Variants in ZNF618 observed in about 807,000 individuals in gnomAD.
ZNF618 encodes zinc finger protein 618.
Under a neutral mutation model 103.0 loss-of-function variants are expected in ZNF618, and 34 were observed. The observed-to-expected ratio is 0.33, with a 90% CI of 0.25 to 0.44. ZNF618 has a LOEUF of 0.44. ZNF618 is among the 20% of genes least tolerant of loss of function. ZNF618 has a pLI of 1.00. For missense variants in ZNF618, 1,059 were observed against 1,295.4 expected, an observed-to-expected ratio of 0.82 and a Z score of 2.80; for synonymous variants, 551 against 542.2, an observed-to-expected ratio of 1.02 and a Z score of -0.23.
intron 1 of ZNF618, among the ~76,000 whole-genome samples, chr9:113,894,677 T>G (rs778318179): frequency 6.6e-6 from 1 of 152,226 alleles, no homozygotes; most frequent in Non-Finnish European, 1.5e-5. Context: ...TGAGCACTTA[T>G]TTTTAAGTTT....
rs558279685 is a variant in ZNF618, at chr9:113,952,115, A to C, written c.34-17002A>C. ...TTTTAAGCCAGTGAGCAATTTATAG[A>C]TTCATTAACTTTTTACTACACTTGT... On this transcript the variant is annotated intron_variant, in intron 1 of 14. Coordinates refer to ENST00000374126, the MANE Select transcript of ZNF618 (RefSeq NM_001318042.2). 1.6e-3 allele frequency among the ~76,000 whole-genome samples: 243 copies of C among 152,240 alleles called. 1 individual carries two copies. The highest frequency in any genetic ancestry group is 2.5e-3 in the Non-Finnish European group (168 of 68,006).
intron 2 of ZNF618, among the ~76,000 whole-genome samples, chr9:113,982,002 A>G (rs1839019894): frequency 1.2e-5 from 1 of 81,752 alleles, no homozygotes; most frequent in African/African-American, 2.9e-5. Flanking sequence ...GGTGAGACCC[A>G]GAGAGAGAGA....
chr9:113,879,966 A>C (rs1828360401), intron 1 of ZNF618, among the ~76,000 whole-genome samples: 1 of 152,140 alleles, frequency 6.6e-6, no homozygotes, highest in African/African-American at 2.4e-5. Flanking sequence ...GGTCAGTATA[A>C]GGCTGACCTC....
At chr9:113,974,140 C>T (rs1340607597) in intron 2 of ZNF618, among the ~76,000 whole-genome samples, 3 of 152,198 alleles carry the variant, frequency 2.0e-5, no homozygotes, top group African/African-American at 7.2e-5. Context: ...AAAATATATG[C>T]TTGTTAGATA....
intron 13 of ZNF618, among the ~76,000 whole-genome samples, chr9:114,039,607 C>G (rs1315062260): frequency 6.6e-6 from 1 of 151,992 alleles, no homozygotes; most frequent in Non-Finnish European, 1.5e-5. Context: ...CACCTCAGCC[C>G]CGCAAAGTGC....
rs140835764 is a variant in ZNF618, at chr9:113,963,585, C to T, written c.34-5532C>T. On this transcript the variant is annotated intron_variant, in intron 1 of 14. Coordinates refer to ENST00000374126, the MANE Select transcript of ZNF618 (RefSeq NM_001318042.2). Reference sequence around the variant, plus strand: ...TTGACGTCATCCACCCAGAGCCCAGCAGAGTACTTGCCACATAGTAGGTTT... The same window carrying T: ...TTGACGTCATCCACCCAGAGCCCAGTAGAGTACTTGCCACATAGTAGGTTT... Among the ~76,000 whole-genome samples, 321 of 152,252 alleles carry T rather than the reference C, an allele frequency of 2.1e-3. 1 individual carries two copies. The highest frequency in any genetic ancestry group is 7.5e-3 in the African/African-American group (310 of 41,554).
At chr9:113,985,969 G>T (rs1839435602) in intron 2 of ZNF618, among the ~76,000 whole-genome samples, 1 of 152,194 alleles carries the variant, frequency 6.6e-6, no homozygotes, top group Admixed American at 6.5e-5. Flanking sequence ...TGAGGCGATT[G>T]AATCATGCAG....
At position 114,054,259 on chromosome 9, in the gene ZNF618, A is replaced by G. The variant is rs1846318248; in HGVS notation, c.*4092A>G. On this transcript the variant is annotated 3_prime_UTR_variant, in exon 15 of 15. Coordinates refer to ENST00000374126, the MANE Select transcript of ZNF618 (RefSeq NM_001318042.2). ...TGGAGAGATGTTAGGAATATAGCAC[A>G]TGCTCTCTGGGGGCCACAGGGTCAT... The G allele has an allele frequency of 6.6e-6, 1 of 152,376 alleles. No individual in the cohort carries two copies. Among genetic ancestry groups the G allele is most frequent in the Non-Finnish European group, 1.5e-5 (1 of 68,084 alleles). 9.4% of individuals were successfully genotyped at this position (152,376 alleles called of 1,614,324 possible).
chr9:114,022,250 C>T lies in ZNF618; in HGVS notation c.844+5466C>T, dbSNP rs566314516. On this transcript the variant is annotated intron_variant, in intron 10 of 14. Coordinates refer to ENST00000374126, the MANE Select transcript of ZNF618 (RefSeq NM_001318042.2). ...TTCTTTTCTTGTAATGTTCTCGTCTCGTTGGGTATCAGAGTATTGCAGGCC... is the reference window on the plus strand; with the variant it reads ...TTCTTTTCTTGTAATGTTCTCGTCTTGTTGGGTATCAGAGTATTGCAGGCC... Among the ~76,000 whole-genome samples the T allele has an allele frequency of 2.6e-5, 4 of 151,920 alleles. No homozygotes were observed. In the East Asian group the frequency reaches 5.8e-4, roughly 22 times the overall value.
chr9:113,899,553 G>C (rs1448274687), intron 1 of ZNF618, among the ~76,000 whole-genome samples: 2 of 152,192 alleles, frequency 1.3e-5, no homozygotes, highest in Admixed American at 6.5e-5. Context: ...GCGCTCCTTA[G>C]GAGAATCTAA....
intron 1 of ZNF618, among the ~76,000 whole-genome samples, chr9:113,880,783 T>C (rs1453655548): frequency 6.6e-6 from 1 of 152,244 alleles, no homozygotes; most frequent in African/African-American, 2.4e-5. Context: ...TGAAATAGAT[T>C]TCCTCCTGTG....
intron 7 of ZNF618, 51 bp from the exon 8 acceptor site, chr9:114,008,293 C>T (rs1020376755): frequency 1.2e-6 from 2 of 1,609,104 alleles, no homozygotes; most frequent in Non-Finnish European, 8.5e-7. Context: ...ACTAACAGGG[C>T]TCCTGTTTGT....
chr9:113,957,133 C>T (rs1030775863), intron 1 of ZNF618, among the ~76,000 whole-genome samples: 4 of 152,092 alleles, frequency 2.6e-5, no homozygotes, highest in South Asian at 4.2e-4. Flanking sequence ...TCCCGCCGGC[C>T]GGAGAGATCA....
At chr9:113,896,673 TAA>T (rs946422067) in intron 1 of ZNF618, among the ~76,000 whole-genome samples, 3 of 152,066 alleles carry the variant, frequency 2.0e-5, no homozygotes, top group Non-Finnish European at 4.4e-5. Context: ...GATATATTAT[TAA>T]GTTTTTCTAA....
chr9:113,901,230 C>G (rs1830516130), intron 1 of ZNF618, among the ~76,000 whole-genome samples: 1 of 152,222 alleles, frequency 6.6e-6, no homozygotes, highest in African/African-American at 2.4e-5. Context: ...AACTTTGTCT[C>G]CAGTTCTCCT....
chr9:114,011,101 C>A (rs1049116027), intron 9 of ZNF618, among the ~76,000 whole-genome samples: 1 of 152,088 alleles, frequency 6.6e-6, no homozygotes, highest in African/African-American at 2.4e-5. Context: ...TAGAGCCAAC[C>A]GAAATAGGAC....
rs1845901868 is a variant in ZNF618 at position 114,049,005 on chromosome 9, C to G, written c.1703C>G (p.Ala568Gly). ...VGPDSCYILTAYQAEGNHIKS... is the reference protein window; with the variant it reads ...VGPDSCYILTGYQAEGNHIKS... The stretch of plus-strand genomic sequence containing the variant: ...CCTGACTCCTGCTACATCCTCACAG[C>G]CTACCAGGCCGAGGGCAACCACATC... The change falls in exon 15 of 15, where the codon GCC becomes GGC. Residue 568 changes from alanine to glycine, a missense_variant. Around this residue, in one of 6 missense-constraint regions of ZNF618, gnomAD observed 272 missense variants for 380.1 expected, o/e 0.72. Transcript: ENST00000374126. 6.2e-7 allele frequency: 1 copy of G among 1,613,224 alleles called. No homozygotes were observed. Among genetic ancestry groups the G allele is most frequent in the Non-Finnish European group, 8.5e-7 (1 of 1,179,468 alleles).
At chr9:113,903,475 G>GC (rs1830723413) in intron 1 of ZNF618, among the ~76,000 whole-genome samples, 2 of 144,690 alleles carry the variant, frequency 1.4e-5, no homozygotes, top group Admixed American at 6.9e-5. Context: ...ATCTGCCTCT[G>GC]TTTTTTTTTT....
At chr9:113,955,767 T>A (rs1042033969) in intron 1 of ZNF618, among the ~76,000 whole-genome samples, 2 of 152,198 alleles carry the variant, frequency 1.3e-5, no homozygotes, top group East Asian at 1.9e-4. Flanking sequence ...TTACACATAT[T>A]TTTTTCTATG....
Sources: gnomAD v4.1 joint callset for allele counts (sites outside exome capture counted in the v4.1 genomes callset) on GRCh38, gnomAD v4.1.1 for gene constraint, gnomAD v4.1.1 regional missense constraint, MANE v1.5 for transcripts, NCBI Gene and HGNC (gene_info 2026-07-23, HGNC 2026-07-21) for gene names.